Variants in DNAH5 observed in about 807,000 individuals in gnomAD.
DNAH5 encodes the protein axonemal beta dynein heavy chain 5.
A neutral mutation model predicts 518.2 loss-of-function variants in DNAH5; 372 were observed. The ratio of observed to expected loss-of-function variants is 0.72; its 90% CI spans 0.66 to 0.78. The LOEUF (loss-of-function observed/expected upper bound fraction) is 0.78. Among genes scored for constraint, DNAH5 ranks in the 30% least tolerant of loss-of-function variants. The probability of loss-of-function intolerance (pLI) is 0.00; values close to 1 mark genes in which losing one functional copy is unlikely to be tolerated. For synonymous variants in DNAH5, 2,039 were observed against 2,025.9 expected, an observed-to-expected ratio of 1.01 and a Z score of -0.17; for missense variants, 5,523 against 5,687.0, an observed-to-expected ratio of 0.97 and a Z score of 0.93.
At chr5:13,738,777 G>GA (rs1328684432) in intron 65 of DNAH5, among the ~76,000 whole-genome samples, 1 of 151,998 alleles carries the variant, frequency 6.6e-6, no homozygotes, top group African/African-American at 2.4e-5. Context: ...AATTGTACAT[G>GA]GATATCAACT....
chr5:13,727,831 T>C (rs1225094114), intron 69 of DNAH5, among the ~76,000 whole-genome samples, 175 bp from the exon 70 acceptor site: 1 of 152,180 alleles, frequency 6.6e-6, no homozygotes, highest in African/African-American at 2.4e-5. Flanking sequence ...CTAATGTCAT[T>C]TGCTCCAAAG....
intron 70 of DNAH5, 26 bp downstream of exon 70, chr5:13,727,481 T>C: frequency 1.3e-6 from 2 of 1,590,194 alleles, no homozygotes; most frequent in Non-Finnish European, 1.7e-6. Flanking sequence ...ATTCTCTCAT[T>C]TTTCTCTTTA....
rs780505008 is a variant in DNAH5 at position 13,708,161 on chromosome 5, A to G, written c.13300T>C (p.Cys4434Arg). The G allele has an allele frequency of 6.2e-7, 1 of 1,614,106 alleles. No individual in the cohort carries two copies. The highest frequency in any genetic ancestry group is 1.1e-5 in the South Asian group (1 of 91,090). Reference protein sequence around the residue: ...MSENLRDALDCMFDARIPAWW... With the variant: ...MSENLRDALDRMFDARIPAWW... ...GCAGGGATTCTAGCATCAAACATGC[A>G]ATCCAATGCATCTCGCAGATTTTCG... Residue 4434 changes from cysteine to arginine, a missense_variant, in exon 76 of 79, where the codon TGC becomes CGC. Cys to Arg is a radical substitution (Grantham distance 180). This residue lies in a region of DNAH5 where 387 missense variants were observed against 430.0 expected (regional missense o/e 0.90). Transcript: ENST00000265104.
At chr5:13,977,137 T>C (rs1782320080) in intron 1 of DNAH5, among the ~76,000 whole-genome samples, 1 of 152,204 alleles carries the variant, frequency 6.6e-6, no homozygotes, top group South Asian at 2.1e-4. Context: ...TTTAGCAGTC[T>C]TGGTAGGAAG....
At chr5:13,778,928 G>T (rs958521986) in intron 53 of DNAH5, among the ~76,000 whole-genome samples, 1 of 152,208 alleles carries the variant, frequency 6.6e-6, no homozygotes, top group Non-Finnish European at 1.5e-5. Flanking sequence ...AGTGAGAGTG[G>T]TGGTTGGGTA....
intron 75 of DNAH5, among the ~76,000 whole-genome samples, chr5:13,710,302 G>T (rs1423284574): frequency 6.6e-6 from 1 of 152,158 alleles, no homozygotes; most frequent in Non-Finnish European, 1.5e-5. Context: ...TGGGACAAAA[G>T]AATCTGAACA....
At chr5:13,938,385 A>C (rs931626416) in intron 1 of DNAH5, among the ~76,000 whole-genome samples, 2 of 152,274 alleles carry the variant, frequency 1.3e-5, no homozygotes, top group South Asian at 2.1e-4. Context: ...GATACAGTAC[A>C]ATAAGATATT....
At chr5:13,794,917 A>G (rs760256865) in intron 47 of DNAH5, among the ~76,000 whole-genome samples, 3 of 152,236 alleles carry the variant, frequency 2.0e-5, no homozygotes, top group Non-Finnish European at 4.4e-5. Flanking sequence ...CAGTGAGCCA[A>G]GATAACGCCA....
At chr5:13,723,633 C>T (rs1012364329) in intron 70 of DNAH5, among the ~76,000 whole-genome samples, 2 of 152,210 alleles carry the variant, frequency 1.3e-5, no homozygotes, top group Non-Finnish European at 2.9e-5. Flanking sequence ...CAAAAGCAGT[C>T]ATAGGCACAC....
At chr5:13,984,448 T>C (rs922972802) in intron 1 of DNAH5, among the ~76,000 whole-genome samples, 5 of 152,224 alleles carry the variant, frequency 3.3e-5, no homozygotes, top group Non-Finnish European at 7.3e-5. Context: ...TGGGGTTTTC[T>C]AGATATATAA....
At chr5:13,823,220 A>G in intron 40 of DNAH5, 43 bp downstream of exon 40, 1 of 1,294,838 alleles carries the variant, frequency 7.7e-7, no homozygotes, top group Non-Finnish European at 1.1e-6. Flanking sequence ...TTAAATTCAG[A>G]TGAAACAGAC....
chr5:13,703,067 AT>A (rs1386439826), intron 76 of DNAH5, among the ~76,000 whole-genome samples: 1 of 152,092 alleles, frequency 6.6e-6, no homozygotes, highest in Non-Finnish European at 1.5e-5. Context: ...CTTTAGTGCC[AT>A]GATCAGAAAA....
In DNAH5 at chr5:13,762,053, T is replaced by C. The variant is rs1448376684; in HGVS notation, c.10281+669A>G. ...TAATCAACCAAGCCATGAGATATGA[T>C]TTTGAGACATCAGCATTTCATTTTC... On this transcript the variant is annotated intron_variant, in intron 60 of 78. Coordinates refer to ENST00000265104, the MANE Select transcript of DNAH5 (RefSeq NM_001369.3). Among the ~76,000 whole-genome samples, 3 of 152,238 alleles carry C rather than the reference T, an allele frequency of 2.0e-5. No individual in the cohort carries two copies. In the East Asian group the frequency reaches 5.8e-4, roughly 29 times the overall value.
Position 13,795,376 on chromosome 5 carries a change from C to T in DNAH5, c.7888-1318G>A, listed in dbSNP as rs184867928. On this transcript the variant is annotated intron_variant, in intron 47 of 78. Transcript: ENST00000265104. The stretch of plus-strand genomic sequence containing the variant: ...AAAATGATAAAGGGGATATCACCAC[C>T]GATCCCACAGAAATAAAAACTACCA... 2.3e-3 allele frequency among the ~76,000 whole-genome samples: 357 copies of T among 152,050 alleles called. 5 individuals carry two copies. Among genetic ancestry groups the T allele is most frequent in the African/African-American group, 8.1e-3 (338 of 41,492 alleles).
At chr5:13,775,150 A>T (rs1222844341) in intron 55 of DNAH5, among the ~76,000 whole-genome samples, 1 of 140,266 alleles carries the variant, frequency 7.1e-6, no homozygotes. Context: ...TTTTTTTTCA[A>T]ATCTTACCTC....
At chr5:13,822,480 G>A (rs1000398575) in intron 40 of DNAH5, among the ~76,000 whole-genome samples, 3 of 151,942 alleles carry the variant, frequency 2.0e-5, no homozygotes, top group African/African-American at 7.3e-5. Context: ...TCAAACTCCT[G>A]GGCTCAAGCG....
chr5:13,908,669 T>C (rs1245557577), intron 12 of DNAH5, among the ~76,000 whole-genome samples: 1 of 152,204 alleles, frequency 6.6e-6, no homozygotes, highest in African/African-American at 2.4e-5. Context: ...GCCTTCTCCA[T>C]CTGCTGGGAT....
intron 30 of DNAH5, among the ~76,000 whole-genome samples, chr5:13,855,707 C>T (rs1488717553): frequency 1.3e-5 from 2 of 152,140 alleles, no homozygotes; most frequent in Non-Finnish European, 2.9e-5. Flanking sequence ...TTCTCAGCAC[C>T]ACATCATACT....
At chr5:13,739,101 A>G (rs372298594) in intron 65 of DNAH5, among the ~76,000 whole-genome samples, 7 of 152,100 alleles carry the variant, frequency 4.6e-5, no homozygotes, top group East Asian at 1.9e-4. Flanking sequence ...ACCTGAACGT[A>G]TGGTACCAAG....
Sources: gnomAD v4.1 joint callset for allele counts (sites outside exome capture counted in the v4.1 genomes callset) on GRCh38, gnomAD v4.1.1 for gene constraint, gnomAD v4.1.1 regional missense constraint, MANE v1.5 for transcripts, NCBI Gene and HGNC (gene_info 2026-07-23, HGNC 2026-07-21) for gene names.